LHX1: variants seen among roughly 807,000 people sequenced by gnomAD.
LHX1 encodes the protein LIM/homeobox protein Lhx1.
In LHX1, 9 loss-of-function variants were observed where a neutral mutation model predicts 34.1. That is an observed-to-expected ratio of 0.26 (90% CI 0.16 to 0.46). The LOEUF (loss-of-function observed/expected upper bound fraction) is 0.46. Among genes scored for constraint, LHX1 ranks in the 20% least tolerant of loss-of-function variants. The pLI is 1.00. For synonymous variants in LHX1, 254 were observed against 241.5 expected, an observed-to-expected ratio of 1.05 and a Z score of -0.48; for missense variants, 446 against 559.1, an observed-to-expected ratio of 0.80 and a Z score of 2.04.
At chr17:36,938,456 G>A in intron 1 of LHX1, 89 bp downstream of exon 1, 2 of 1,361,586 alleles carry the variant, frequency 1.5e-6, no homozygotes, top group Non-Finnish European at 2.1e-6. Context: ...TGGCCTCGCT[G>A]CCCAGTTAGG....
intron 4 of LHX1, among the ~76,000 whole-genome samples, 193 bp downstream of exon 4, chr17:36,942,558 G>C (rs1238641240): frequency 6.6e-6 from 1 of 152,226 alleles, no homozygotes; most frequent in Non-Finnish European, 1.5e-5. Flanking sequence ...AATAACGGGG[G>C]TAGCTGGTAA....
At position 36,937,910 on chromosome 17, in the gene LHX1, C is replaced by G. The variant is rs1282422664; in HGVS notation, c.-288C>G. Reference sequence around the variant, plus strand: ...GCAGAAGGGTCGCATTCTCTCCCGCCTGAGACTTCTTTTCCTCGCCCCGGG... The same window carrying G: ...GCAGAAGGGTCGCATTCTCTCCCGCGTGAGACTTCTTTTCCTCGCCCCGGG... On this transcript the variant is annotated 5_prime_UTR_variant, in exon 1 of 5. Transcript: ENST00000614239. 5.0e-6 allele frequency: 3 copies of G among 598,646 alleles called. No individual in the cohort carries two copies. The highest frequency in any genetic ancestry group is 9.2e-6 in the Non-Finnish European group (3 of 327,850). 37.1% of individuals were successfully genotyped at this position (598,646 alleles called of 1,614,324 possible). A position where few individuals can be genotyped will look rare whatever the true frequency, so the allele number is the denominator to read the frequency against.
chr17:36,940,039 C>G, intron 1 of LHX1: 1 of 593,858 alleles, frequency 1.7e-6, no homozygotes, highest in Non-Finnish European at 3.0e-6. Flanking sequence ...TGGCTCTAAC[C>G]GCGTGTATCC....
At position 36,943,979 on chromosome 17, in the gene LHX1, C is replaced by A. The variant is rs921213502; in HGVS notation, c.*848C>A. On this transcript the variant is annotated 3_prime_UTR_variant, in exon 5 of 5. Coordinates refer to ENST00000614239, the MANE Select transcript of LHX1 (RefSeq NM_005568.5). Reference sequence around the variant, plus strand: ...TGAACTAAAAACAGTCAACTGTTTACGTATAATGTTAAATTCAGGAGTTCA... The same window carrying A: ...TGAACTAAAAACAGTCAACTGTTTAAGTATAATGTTAAATTCAGGAGTTCA... 2.0e-5 allele frequency: 3 copies of A among 150,250 alleles called. No individual in the cohort carries two copies. The highest frequency in any genetic ancestry group is 3.2e-3 in the Middle Eastern group (1 of 308). 9.3% of individuals were successfully genotyped at this position (150,250 alleles called of 1,614,324 possible).
At chr17:36,940,129 A>G (rs551890050) in intron 1 of LHX1, 161 bp from the exon 2 acceptor site, 5 of 623,294 alleles carry the variant, frequency 8.0e-6, no homozygotes, top group African/African-American at 5.5e-5. Context: ...GCCTCTCTTT[A>G]TCTCTCTCTT....
Position 36,943,479 on chromosome 17 carries a change from C to T in LHX1, c.*348C>T, listed in dbSNP as rs190703415. Reference sequence around the variant, plus strand: ...GCGGCGAAAAGACGTCCAGGGCAGCCGCGGGTGCGCACAGCCGTTGGCGAT... The same window carrying T: ...GCGGCGAAAAGACGTCCAGGGCAGCTGCGGGTGCGCACAGCCGTTGGCGAT... On this transcript the variant is annotated 3_prime_UTR_variant, in exon 5 of 5. Coordinates refer to ENST00000614239, the MANE Select transcript of LHX1 (RefSeq NM_005568.5). 3 of 251,800 alleles carry T rather than the reference C, an allele frequency of 1.2e-5. No homozygotes were observed. The East Asian group carries it at 2.2e-4, about 18-fold the overall frequency. The allele number at this position is 251,800 out of a possible 1,614,324, so 15.6% of individuals were successfully genotyped here. A position where few individuals can be genotyped will look rare whatever the true frequency, so the allele number is the denominator to read the frequency against.
At chr17:36,942,151 G>A (rs1039321623) in intron 3 of LHX1, 49 bp from the exon 4 acceptor site, 1 of 1,545,548 alleles carries the variant, frequency 6.5e-7, no homozygotes, top group Admixed American at 1.9e-5. Context: ...AGCACCCCGG[G>A]GTCGGGGGTG....
At position 36,937,903 on chromosome 17, in the gene LHX1, C is replaced by T; in HGVS notation, c.-295C>T. The T allele has an allele frequency of 1.7e-6, 1 of 599,278 alleles. No individual in the cohort carries two copies. Among genetic ancestry groups the T allele is most frequent in the South Asian group, 1.7e-5 (1 of 58,678 alleles). 37.1% of individuals were successfully genotyped at this position (599,278 alleles called of 1,614,324 possible). A position where few individuals can be genotyped will look rare whatever the true frequency, so the allele number is the denominator to read the frequency against. On this transcript the variant is annotated 5_prime_UTR_variant, in exon 1 of 5. Coordinates refer to ENST00000614239, the MANE Select transcript of LHX1 (RefSeq NM_005568.5). ...GCTCTGAGCAGAAGGGTCGCATTCT[C>T]TCCCGCCTGAGACTTCTTTTCCTCG...
chr17:36,941,205 C>G, intron 3 of LHX1: 1 of 636,778 alleles, frequency 1.6e-6, no homozygotes, highest in South Asian at 1.6e-5. Flanking sequence ...ACATACCCCA[C>G]CCCACCTCGG....
intron 4 of LHX1, 45 bp from the exon 5 acceptor site, chr17:36,942,707 C>T: frequency 6.9e-7 from 1 of 1,446,750 alleles, no homozygotes; most frequent in Non-Finnish European, 9.1e-7. Context: ...CCCGCCGGCC[C>T]CCGGCCGGGC....
At position 36,942,961 on chromosome 17, in the gene LHX1, C is replaced by G. The variant is rs752713616; in HGVS notation, c.1051C>G (p.Pro351Ala). 1.2e-6 allele frequency: 2 copies of G among 1,610,532 alleles called. No homozygotes were observed. Among genetic ancestry groups the G allele is most frequent in the Non-Finnish European group, 8.5e-7 (1 of 1,179,020 alleles). Residue 351 changes from proline (P) to alanine (A), a missense_variant, in exon 5 of 5, where the codon CCC becomes GCC. Physicochemically the swap from Pro to Ala is conservative, Grantham distance 27. This residue lies in a region of LHX1 where 235 missense variants were observed against 224.4 expected (regional missense o/e 1.05). Coordinates refer to ENST00000614239, the MANE Select transcript of LHX1 (RefSeq NM_005568.5). ...GTTTACCGACATCCTGGCGCACCCACCCGGGGACTCGCCCAGCCCCGAGCC... is the reference window on the plus strand; with the variant it reads ...GTTTACCGACATCCTGGCGCACCCAGCCGGGGACTCGCCCAGCCCCGAGCC... Reference protein sequence around the residue: ...QRFTDILAHPPGDSPSPEPSL... With the variant: ...QRFTDILAHPAGDSPSPEPSL...
chr17:36,940,258 C>CCGGGGGGGGGGGGGG, intron 1 of LHX1, 32 bp from the exon 2 acceptor site: 1 of 528,908 alleles, frequency 1.9e-6, no homozygotes, highest in Non-Finnish European at 3.3e-6. Flanking sequence ...GACCCATCCC[C>CCGGGGGGGGGGGGGG]GCCCCCGCCC....
At chr17:36,942,710 G>A (rs2070773828) in intron 4 of LHX1, 42 bp from the exon 5 acceptor site, 2 of 1,447,876 alleles carry the variant, frequency 1.4e-6, no homozygotes, top group Admixed American at 2.8e-5. Context: ...GCCGGCCCCC[G>A]GCCGGGCCCT....
rs1567958887 is a variant in LHX1 at position 36,944,182 on chromosome 17, TGC to T, written c.*1052_*1053del. 1 of 151,078 alleles carries T rather than the reference TGC, an allele frequency of 6.6e-6. No homozygotes were observed. The highest frequency in any genetic ancestry group is 1.5e-5 in the Non-Finnish European group (1 of 67,934). 9.4% of individuals were successfully genotyped at this position (151,078 alleles called of 1,614,324 possible). Reference sequence around the variant, plus strand: ...GTTTACACGAGGCAAAGAGAAAACATGCTATTCAGACAGTTGCCAAATAGAAT... The same window carrying T: ...GTTTACACGAGGCAAAGAGAAAACATTATTCAGACAGTTGCCAAATAGAAT... On this transcript the variant is annotated 3_prime_UTR_variant, in exon 5 of 5. Transcript: ENST00000614239.
At chr17:36,938,496 C>T in intron 1 of LHX1, 129 bp downstream of exon 1, 5 of 896,298 alleles carry the variant, frequency 5.6e-6, no homozygotes, top group Non-Finnish European at 8.6e-6. Flanking sequence ...AGCCAAGTCC[C>T]GCGGGCGCCC....
In LHX1 at chr17:36,939,649, G is replaced by A. The variant is rs542656849; in HGVS notation, c.171-641G>A. On this transcript the variant is annotated intron_variant, in intron 1 of 4. Coordinates refer to ENST00000614239, the MANE Select transcript of LHX1 (RefSeq NM_005568.5). ...AGCCTGGCTTCCACAACCCGCGGCA[G>A]AGCGCCCAGAGCCAGCTCCCGCAGC... Among the ~76,000 whole-genome samples, 207 of 152,332 alleles carry A rather than the reference G, an allele frequency of 1.4e-3. 1 individual carries two copies. Among genetic ancestry groups the A allele is most frequent in the African/African-American group, 4.9e-3 (202 of 41,584 alleles).
At chr17:36,940,070 T>C (rs1006684972) in intron 1 of LHX1, 7 of 603,724 alleles carry the variant, frequency 1.2e-5, no homozygotes, top group Non-Finnish European at 2.1e-5. Context: ...TCTTCCCTGG[T>C]GCCGCGCTCT....
At chr17:36,939,028 G>A (rs1385581083) in intron 1 of LHX1, among the ~76,000 whole-genome samples, 1 of 152,096 alleles carries the variant, frequency 6.6e-6, no homozygotes, top group East Asian at 1.9e-4. Context: ...CTGGTGGTTC[G>A]GCTTCAGCCC....
intron 4 of LHX1, 93 bp from the exon 5 acceptor site, chr17:36,942,659 C>T (rs1436267440): frequency 3.7e-6 from 5 of 1,348,804 alleles, no homozygotes; most frequent in African/African-American, 1.5e-5. Context: ...CGCGGCCTTC[C>T]TCAGCCCGCC....
Sources: allele counts gnomAD v4.1 joint callset (sites outside exome capture counted in the v4.1 genomes callset), GRCh38; gene constraint gnomAD v4.1.1; regional missense constraint gnomAD v4.1.1; transcripts MANE v1.5; gene names NCBI Gene and HGNC (gene_info 2026-07-23, HGNC 2026-07-21).